The following SDK1 variants were observed in gnomAD, a reference collection of about 807,000 sequenced individuals.
The protein encoded by SDK1 is sidekick cell adhesion molecule 1.
In SDK1, 157 loss-of-function variants were observed where a neutral mutation model predicts 245.5. The ratio of observed to expected loss-of-function variants is 0.64; its 90% CI spans 0.56 to 0.73. The LOEUF is 0.73. Among genes scored for constraint, SDK1 ranks in the 30% least tolerant of loss-of-function variants. SDK1 has a pLI of 0.00. For missense variants in SDK1, 3,583 were observed against 3,002.3 expected, an observed-to-expected ratio of 1.19 and a Z score of -4.52; for synonymous variants, 1,647 against 1,278.5, an observed-to-expected ratio of 1.29 and a Z score of -6.15.
Position 3,392,450 on chromosome 7 carries a change from T to C in SDK1, c.298+90566T>C, listed in dbSNP as rs189228270. Among the ~76,000 whole-genome samples the C allele has an allele frequency of 9.5e-4, 144 of 152,258 alleles. 1 individual carries two copies. Among genetic ancestry groups the C allele is most frequent in the Middle Eastern group, 3.4e-3 (1 of 294 alleles). On this transcript the variant is annotated intron_variant, in intron 1 of 44. Transcript: ENST00000404826. ...TATATACTTTTATGGTGGTAAAATA[T>C]ATATACACACATATAGCATAGAATT...
chr7:3,483,959 T>C (rs1159347371), intron 1 of SDK1, among the ~76,000 whole-genome samples: 1 of 152,234 alleles, frequency 6.6e-6, no homozygotes, highest in Non-Finnish European at 1.5e-5. Context: ...GACATATTTA[T>C]GGGGTACATG....
chr7:4,138,652 C>T (rs1362973753), intron 28 of SDK1, among the ~76,000 whole-genome samples: 1 of 150,906 alleles, frequency 6.6e-6, no homozygotes, highest in Non-Finnish European at 1.5e-5. Flanking sequence ...GAGGCTGAGG[C>T]AGGAGAAGCA....
chr7:4,083,534 C>T (rs1166949511), intron 22 of SDK1, among the ~76,000 whole-genome samples: 1 of 100,798 alleles, frequency 9.9e-6, no homozygotes, highest in Admixed American at 9.0e-5. Flanking sequence ...TCCTCCCTCC[C>T]TCCCTCCCTC....
In SDK1 at chr7:3,573,863, AAAAT is replaced by A. The variant is rs148583877; in HGVS notation, c.299-45205_299-45202del. 3.6e-3 allele frequency among the ~76,000 whole-genome samples: 542 copies of A among 152,158 alleles called. 4 individuals are homozygous for A. Among genetic ancestry groups the A allele is most frequent in the African/African-American group, 0.012 (518 of 41,556 alleles). On this transcript the variant is annotated intron_variant, in intron 1 of 44. Coordinates refer to ENST00000404826, the MANE Select transcript of SDK1 (RefSeq NM_152744.4). ...ATTTTCTCCTTCCAGTACTCATTAAAAAATAAATAAATAAACTGAATGTGTAATT... is the reference window on the plus strand; with the variant it reads ...ATTTTCTCCTTCCAGTACTCATTAAAAAATAAATAAACTGAATGTGTAATT...
At chr7:3,340,568 C>G (rs893058987) in intron 1 of SDK1, among the ~76,000 whole-genome samples, 2 of 152,126 alleles carry the variant, frequency 1.3e-5, no homozygotes, top group African/African-American at 4.8e-5. Flanking sequence ...CGAGACCATC[C>G]TGGCTAACAC....
intron 1 of SDK1, among the ~76,000 whole-genome samples, chr7:3,482,184 C>A (rs917850665): frequency 6.6e-6 from 1 of 152,134 alleles, no homozygotes; most frequent in African/African-American, 2.4e-5. Context: ...CGATCAGATA[C>A]CTTAAACTAC....
chr7:3,612,268 A>T (rs1781617494), intron 1 of SDK1, among the ~76,000 whole-genome samples: 1 of 152,330 alleles, frequency 6.6e-6, no homozygotes, highest in Non-Finnish European at 1.5e-5. Flanking sequence ...CTATCATAGG[A>T]TCCTCTTACA....
intron 1 of SDK1, among the ~76,000 whole-genome samples, chr7:3,393,869 C>T (rs182908358): frequency 6.6e-5 from 10 of 152,072 alleles, no homozygotes; most frequent in Admixed American, 1.3e-4. Context: ...TTTGTGAGGT[C>T]GTGTTTTCCC....
intron 40 of SDK1, among the ~76,000 whole-genome samples, chr7:4,229,043 C>T (rs1427277526): frequency 6.6e-6 from 1 of 152,136 alleles, no homozygotes; most frequent in East Asian, 1.9e-4. Flanking sequence ...GGGGACTGTC[C>T]AGAACATGGA....
At chr7:3,515,642 C>T (rs546241020) in intron 1 of SDK1, among the ~76,000 whole-genome samples, 1 of 152,228 alleles carries the variant, frequency 6.6e-6, no homozygotes, top group South Asian at 2.1e-4. Context: ...AAGTAACTTT[C>T]GTGTTTTAGT....
chr7:3,315,313 C>G (rs369749807), intron 1 of SDK1, among the ~76,000 whole-genome samples: 18 of 152,270 alleles, frequency 1.2e-4, no homozygotes, highest in Admixed American at 5.2e-4. Flanking sequence ...TATACAGTAT[C>G]ATACATCCTT....
chr7:3,935,518 C>G (rs1288023248), intron 5 of SDK1, among the ~76,000 whole-genome samples: 1 of 152,044 alleles, frequency 6.6e-6, no homozygotes, highest in Non-Finnish European at 1.5e-5. Context: ...CACAGAATTC[C>G]TACAACTCAA....
At chr7:3,449,027 A>G in intron 1 of SDK1, among the ~76,000 whole-genome samples, 1 of 152,224 alleles carries the variant, frequency 6.6e-6, no homozygotes, top group Non-Finnish European at 1.5e-5. Flanking sequence ...TTCTTCTGTA[A>G]AAGCAATAAC....
intron 5 of SDK1, among the ~76,000 whole-genome samples, chr7:3,868,392 G>A (rs949159890): frequency 3.3e-5 from 5 of 152,158 alleles, no homozygotes; most frequent in Non-Finnish European, 4.4e-5. Flanking sequence ...TGTCTGTGTG[G>A]AGGAACTATA....
chr7:4,082,774 C>T (rs998477364), intron 22 of SDK1, among the ~76,000 whole-genome samples: 2 of 151,976 alleles, frequency 1.3e-5, no homozygotes, highest in African/African-American at 2.4e-5. Flanking sequence ...GCGTGTGCCA[C>T]CACACCAGCT....
intron 4 of SDK1, among the ~76,000 whole-genome samples, chr7:3,781,971 G>A (rs1406900504): frequency 6.6e-6 from 1 of 152,134 alleles, no homozygotes; most frequent in South Asian, 2.1e-4. Flanking sequence ...GGACAGCAGA[G>A]AGAAAAAAGC....
intron 4 of SDK1, among the ~76,000 whole-genome samples, chr7:3,647,121 C>T (rs1474075099): frequency 6.6e-6 from 1 of 152,210 alleles, no homozygotes; most frequent in Admixed American, 6.5e-5. Flanking sequence ...GATGGTGGCT[C>T]ACACCTGTAC....
intron 2 of SDK1, among the ~76,000 whole-genome samples, chr7:3,630,852 T>A (rs1405199652): frequency 6.6e-6 from 1 of 152,056 alleles, no homozygotes; most frequent in East Asian, 1.9e-4. Flanking sequence ...CTTGGTGATA[T>A]TCTTTAGGCC....
intron 5 of SDK1, among the ~76,000 whole-genome samples, chr7:3,900,448 T>C (rs1277701604): frequency 6.6e-6 from 1 of 152,208 alleles, no homozygotes; most frequent in African/African-American, 2.4e-5. Context: ...TTTTCCTGTT[T>C]GGTGCTGATT....
Sources: gnomAD v4.1 joint callset for allele counts (sites outside exome capture counted in the v4.1 genomes callset) on GRCh38, gnomAD v4.1.1 for gene constraint, MANE v1.5 for transcripts, NCBI Gene and HGNC (gene_info 2026-07-23, HGNC 2026-07-21) for gene names.